Variants in AEBP2 observed in about 807,000 individuals in gnomAD.
AEBP2 encodes AE binding protein 2.
Under a neutral mutation model 50.8 loss-of-function variants are expected in AEBP2, and 10 were observed. That is an observed-to-expected ratio of 0.20 (90% CI 0.12 to 0.33). The LOEUF is 0.33. AEBP2 is among the 10% of genes least tolerant of loss of function. AEBP2 has a pLI of 1.00. For missense variants in AEBP2, 570 were observed against 688.0 expected, an observed-to-expected ratio of 0.83 and a Z score of 1.92; for synonymous variants, 296 against 261.3, an observed-to-expected ratio of 1.13 and a Z score of -1.28.
chr12:19,424,441 G>C (rs998360181), intron 1 of AEBP2, among the ~76,000 whole-genome samples: 1 of 151,530 alleles, frequency 6.6e-6, no homozygotes, highest in African/African-American at 2.4e-5. Context: ...CTGTCATCCA[G>C]GCTGGAGTGC....
rs111571671 is a variant in AEBP2 at position 19,421,593 on chromosome 12, A to G, written c.-17+17377A>G. 6.6e-3 allele frequency among the ~76,000 whole-genome samples: 1,009 copies of G among 152,204 alleles called. 8 individuals carry two copies. The highest frequency in any genetic ancestry group is 0.02 in the African/African-American group (822 of 41,550). ...ACTGTAATCATGCTACTGCACTCCA[A>G]CATGGATTACAGAGTGAGACTCTGT... On this transcript the variant is annotated intron_variant, in intron 1 of 3. Coordinates refer to the AEBP2 transcript ENST00000538425.
intron 1 of AEBP2, among the ~76,000 whole-genome samples, chr12:19,452,754 C>T (rs1439041832): frequency 6.6e-5 from 10 of 151,904 alleles, no homozygotes; most frequent in Non-Finnish European, 1.5e-5. Context: ...TGAATTTTAC[C>T]CTTTAAGAAA....
intron 1 of AEBP2, among the ~76,000 whole-genome samples, chr12:19,408,075 T>C (rs1334672948): frequency 6.8e-6 from 1 of 147,346 alleles, no homozygotes; most frequent in Non-Finnish European, 1.5e-5. Flanking sequence ...AAGTTTAAAA[T>C]GTAAGGAAGA....
chr12:19,489,898 A>G (rs894733674), intron 3 of AEBP2, among the ~76,000 whole-genome samples: 3 of 151,588 alleles, frequency 2.0e-5, no homozygotes, highest in African/African-American at 4.9e-5. Flanking sequence ...TTGATTGATA[A>G]ATGACCAAAA....
intron 1 of AEBP2, among the ~76,000 whole-genome samples, chr12:19,429,347 T>C (rs562353720): frequency 7.2e-5 from 11 of 152,326 alleles, no homozygotes; most frequent in Non-Finnish European, 1.6e-4. Flanking sequence ...TTGGTGTATA[T>C]GTGCCACATT....
At chr12:19,438,055 A>G (rs1291234607), upstream of AEBP2, among the ~76,000 whole-genome samples, 8 of 152,128 alleles carry the variant, frequency 5.3e-5, no homozygotes, top group Admixed American at 5.2e-4. Context: ...CCTCTTCCCT[A>G]CTTTACAAAA....
intron 3 of AEBP2, among the ~76,000 whole-genome samples, chr12:19,477,828 G>C (rs148122837): frequency 6.6e-6 from 1 of 152,204 alleles, no homozygotes; most frequent in East Asian, 1.9e-4. Flanking sequence ...CTCTTTCTCT[G>C]TCTTTTGGAA....
intron 5 of AEBP2, among the ~76,000 whole-genome samples, chr12:19,501,369 T>A (rs1342957699): frequency 1.3e-5 from 2 of 150,784 alleles, no homozygotes; most frequent in African/African-American, 4.9e-5. Context: ...GCTTCATGGC[T>A]CACACCTATA....
chr12:19,440,389 T>C lies in AEBP2; in HGVS notation c.671+19T>C. The C allele has an allele frequency of 2.0e-6, 3 of 1,467,180 alleles. No homozygotes were observed. The highest frequency in any genetic ancestry group is 2.7e-6 in the Non-Finnish European group (3 of 1,115,026). 90.9% of individuals were successfully genotyped at this position (1,467,180 alleles called of 1,614,324 possible). A position where few individuals can be genotyped will look rare whatever the true frequency, so the allele number is the denominator to read the frequency against. ...AGGACAGGTCAGTGCTCTGAAGCGTTTCCCCTTCCCTTCCTCCTCTTGAAC... is the reference window on the plus strand; with the variant it reads ...AGGACAGGTCAGTGCTCTGAAGCGTCTCCCCTTCCCTTCCTCCTCTTGAAC... On this transcript the variant is annotated intron_variant, in intron 1 of 7. Coordinates refer to ENST00000266508, the MANE Select transcript of AEBP2 (RefSeq NM_153207.5).
chr12:19,412,869 G>A (rs1592702210), intron 1 of AEBP2, among the ~76,000 whole-genome samples: 1 of 152,190 alleles, frequency 6.6e-6, no homozygotes, highest in African/African-American at 2.4e-5. Flanking sequence ...GGCTCTGGGT[G>A]CCTCCCCGGG....
chr12:19,502,851 T>C lies in AEBP2; in HGVS notation c.1299+2630T>C, dbSNP rs113314661. 3.6e-3 allele frequency among the ~76,000 whole-genome samples: 541 copies of C among 152,246 alleles called. 6 individuals are homozygous for C. Among genetic ancestry groups the C allele is most frequent in the African/African-American group, 0.013 (525 of 41,552 alleles). ...TTAGTAGAGATGGGGTTTCTCCACG[T>C]TGGTCAGGCTGGTCTCGAACTCCCA... is the stretch of plus-strand genomic sequence containing the variant. On this transcript the variant is annotated intron_variant, in intron 5 of 7. Coordinates refer to ENST00000266508, the MANE Select transcript of AEBP2 (RefSeq NM_153207.5).
chr12:19,431,199 G>T (rs10841228), intron 1 of AEBP2, among the ~76,000 whole-genome samples: 64,507 of 151,898 alleles, frequency 0.42, 14,805 homozygotes, highest in Non-Finnish European at 0.54. Context: ...AGGAGGGCTG[G>T]TTGCTTTATT....
intron 1 of AEBP2, among the ~76,000 whole-genome samples, chr12:19,406,204 G>A (rs2095736195): frequency 6.6e-6 from 1 of 151,820 alleles, no homozygotes; most frequent in African/African-American, 2.4e-5. Context: ...GACCTCAAGT[G>A]ATCCACTGCC....
At chr12:19,452,730 CT>C (rs1256676645) in intron 1 of AEBP2, among the ~76,000 whole-genome samples, 1 of 152,042 alleles carries the variant, frequency 6.6e-6, no homozygotes, top group Non-Finnish European at 1.5e-5. Flanking sequence ...TTCTTAAATG[CT>C]TTTGCAATGT....
At chr12:19,506,204 C>G (rs11609796) in intron 5 of AEBP2, among the ~76,000 whole-genome samples, 9,551 of 152,160 alleles carry the variant, frequency 0.063, 424 homozygotes, top group South Asian at 0.2. Flanking sequence ...TCAAGTGATT[C>G]TTGTGCTGCA....
rs185766476 is a variant in AEBP2 at position 19,494,785 on chromosome 12, G to C, written c.1174+799G>C. Among the ~76,000 whole-genome samples the C allele has an allele frequency of 2.0e-5, 3 of 152,126 alleles. No individual in the cohort carries two copies. In the East Asian group the frequency reaches 5.8e-4, roughly 29 times the overall value. Reference sequence around the variant, plus strand: ...TACCAAAATGTATCCTTGATGTTTAGGATAGAAAATAAGTAGATGATAAGG... The same window carrying C: ...TACCAAAATGTATCCTTGATGTTTACGATAGAAAATAAGTAGATGATAAGG... On this transcript the variant is annotated intron_variant, in intron 4 of 7. Coordinates refer to ENST00000266508, the MANE Select transcript of AEBP2 (RefSeq NM_153207.5).
chr12:19,431,196 C>G (rs1379611275), intron 1 of AEBP2, among the ~76,000 whole-genome samples: 1 of 152,078 alleles, frequency 6.6e-6, no homozygotes, highest in Non-Finnish European at 1.5e-5. Context: ...GAAAGGAGGG[C>G]TGGTTGCTTT....
chr12:19,408,624 G>C (rs993193922), intron 1 of AEBP2, among the ~76,000 whole-genome samples: 1 of 151,840 alleles, frequency 6.6e-6, no homozygotes, highest in South Asian at 2.1e-4. Context: ...ATGCAAGGCC[G>C]GGCGCGGTGA....
At chr12:19,474,163 G>T (rs1348226370) in intron 3 of AEBP2, among the ~76,000 whole-genome samples, 1 of 151,956 alleles carries the variant, frequency 6.6e-6, no homozygotes, top group African/African-American at 2.4e-5. Flanking sequence ...ATGTATTCTG[G>T]GAAATCTTTA....
Sources: allele counts gnomAD v4.1 joint callset (sites outside exome capture counted in the v4.1 genomes callset), GRCh38; gene constraint gnomAD v4.1.1; transcripts MANE v1.5; gene names NCBI Gene and HGNC (gene_info 2026-07-23, HGNC 2026-07-21).